SEMA3D: variants seen among roughly 807,000 people sequenced by gnomAD.
The protein encoded by SEMA3D is semaphorin-3D.
In SEMA3D, 84 loss-of-function variants were observed where a neutral mutation model predicts 100.1. That is an observed-to-expected ratio of 0.84 (90% confidence interval 0.70 to 1.01). The LOEUF (loss-of-function observed/expected upper bound fraction) is 1.01, where lower values mean the gene tolerates loss of function less well. Ranked by LOEUF, SEMA3D falls within the 50% of genes least tolerant of loss-of-function variation. The pLI, the probability that SEMA3D is intolerant of heterozygous loss-of-function variation, is 0.00. For missense variants in SEMA3D, 875 were observed against 934.1 expected, an observed-to-expected ratio of 0.94 and a Z score of 0.82; for synonymous variants, 312 against 320.7, an observed-to-expected ratio of 0.97 and a Z score of 0.29.
At chr7:85,080,062 C>T (rs928187845) in intron 5 of SEMA3D, among the ~76,000 whole-genome samples, 3 of 152,164 alleles carry the variant, frequency 2.0e-5, no homozygotes, top group Non-Finnish European at 2.9e-5. Flanking sequence ...TTAACACTCC[C>T]TGATATATTT....
At chr7:85,216,625 G>A in the SEMA3D span, among the ~76,000 whole-genome samples, 1 of 151,878 alleles carries the variant, frequency 6.6e-6, no homozygotes, top group African/African-American at 2.4e-5. Flanking sequence ...TGGTGCTAAT[G>A]TGCTGGTAGT....
At chr7:85,194,050 T>A in the SEMA3D span, among the ~76,000 whole-genome samples, 3 of 152,140 alleles carry the variant, frequency 2.0e-5, no homozygotes, top group African/African-American at 7.2e-5. Flanking sequence ...GTAGATAAGC[T>A]TTATACCATG....
At chr7:85,246,752 A>G in the SEMA3D span, among the ~76,000 whole-genome samples, 62,808 of 151,498 alleles carry the variant, frequency 0.41, 14,394 homozygotes, top group Non-Finnish European at 0.52. Flanking sequence ...CTGGAATTCC[A>G]CTCTTTGGTA....
Position 85,036,963 on chromosome 7 carries a change from A to G in SEMA3D, c.1117T>C (p.Tyr373His). 6.2e-7 allele frequency: 1 copy of G among 1,613,472 alleles called. No homozygotes were observed. The highest frequency in any genetic ancestry group is 8.5e-7 in the Non-Finnish European group (1 of 1,179,572). The change falls in exon 12 of 19, where the codon TAT (tyrosine) becomes CAT (histidine). Residue 373 changes from tyrosine (Y) to histidine (H), a missense_variant. Physicochemically the swap from Tyr to His is moderately conservative, Grantham distance 83. Transcript: ENST00000284136. ...TGGTCTGCACTTTCCTTATGAGCAT[A>G]TGGACCATTAAAAACTGCTCTGATG... ...ADIRAVFNGP[Y>H]AHKESADHRW...
chr7:85,141,546 G>A (rs1381828157), intron 2 of SEMA3D: 1 of 984,578 alleles, frequency 1.0e-6, no homozygotes, highest in Non-Finnish European at 1.2e-6. Flanking sequence ...GTCTTTCTAA[G>A]GATAGTCTTA....
rs763373435 is a variant in SEMA3D, at chr7:84,997,606, A to T, written c.*1834T>A. The T allele has an allele frequency of 6.6e-5, 10 of 152,338 alleles. No individual in the cohort carries two copies. The highest frequency in any genetic ancestry group is 1.0e-4 in the Non-Finnish European group (7 of 67,974). The allele number at this position is 152,338 out of a possible 1,614,324, so 9.4% of individuals were successfully genotyped here. A position where few individuals can be genotyped will look rare whatever the true frequency, so the allele number is the denominator to read the frequency against. ...TATATCAGTTTGACTACTTTGAGATAGGTAAGCAATGCAAATAAAATAAAA... is the reference window on the plus strand; with the variant it reads ...TATATCAGTTTGACTACTTTGAGATTGGTAAGCAATGCAAATAAAATAAAA... On this transcript the variant is annotated 3_prime_UTR_variant, in exon 19 of 19. Transcript: ENST00000284136.
the SEMA3D span, among the ~76,000 whole-genome samples, chr7:85,226,848 G>A: frequency 3.3e-5 from 5 of 152,086 alleles, no homozygotes; most frequent in Admixed American, 6.6e-5. Flanking sequence ...TGCATGCCAC[G>A]TACTTCTTTA....
At chr7:85,155,108 C>T (rs1790548632) in intron 1 of SEMA3D, among the ~76,000 whole-genome samples, 1 of 149,196 alleles carries the variant, frequency 6.7e-6, no homozygotes, top group Admixed American at 6.6e-5. Flanking sequence ...ATACAGAAAG[C>T]ATCTGTACAC....
chr7:85,006,590 G>A lies in SEMA3D; in HGVS notation c.1908+212C>T, dbSNP rs541020978. On this transcript the variant is annotated intron_variant, in intron 18 of 18. Transcript: ENST00000284136. ...AATGTAAATTTCTTTAAAAAAATCA[G>A]TCTGCTTTCAAATATATTTTACGAA... Among the ~76,000 whole-genome samples the A allele has an allele frequency of 2.6e-5, 4 of 151,962 alleles. No homozygotes were observed. The South Asian group carries it at 8.3e-4, about 32-fold the overall frequency.
At chr7:85,181,024 G>T (rs1038662464) in intron 1 of SEMA3D, among the ~76,000 whole-genome samples, 1 of 152,038 alleles carries the variant, frequency 6.6e-6, no homozygotes, top group Non-Finnish European at 1.5e-5. Context: ...ATATGAGTTT[G>T]GGAAGAAAGA....
chr7:85,003,456 A>G (rs1447320538), intron 18 of SEMA3D, among the ~76,000 whole-genome samples: 2 of 152,086 alleles, frequency 1.3e-5, no homozygotes, highest in Non-Finnish European at 2.9e-5. Flanking sequence ...CTAGAAAAAT[A>G]TATAATTGCT....
At chr7:85,249,672 G>C in the SEMA3D span, among the ~76,000 whole-genome samples, 1 of 152,048 alleles carries the variant, frequency 6.6e-6, no homozygotes, top group Non-Finnish European at 1.5e-5. Flanking sequence ...TAGTGAACAC[G>C]TGTTATATGT....
chr7:85,088,667 A>C (rs1185871287), intron 4 of SEMA3D, among the ~76,000 whole-genome samples: 1 of 152,190 alleles, frequency 6.6e-6, no homozygotes, highest in Non-Finnish European at 1.5e-5. Flanking sequence ...AAGCTTGCGC[A>C]GTGGGTATTG....
the SEMA3D span, among the ~76,000 whole-genome samples, chr7:85,209,712 C>A: frequency 6.6e-6 from 1 of 152,038 alleles, no homozygotes; most frequent in Non-Finnish European, 1.5e-5. Flanking sequence ...AAAACTCAAG[C>A]TGTCCAGTGC....
At chr7:85,120,302 A>C (rs1789371662) in intron 3 of SEMA3D, among the ~76,000 whole-genome samples, 1 of 152,140 alleles carries the variant, frequency 6.6e-6, no homozygotes, top group South Asian at 2.1e-4. Flanking sequence ...AACTAAGATA[A>C]TTTTAGGGGA....
At chr7:85,050,089 A>T (rs1791120492) in intron 9 of SEMA3D, among the ~76,000 whole-genome samples, 1 of 148,712 alleles carries the variant, frequency 6.7e-6, no homozygotes, top group Non-Finnish European at 1.5e-5. Context: ...ACACACACAC[A>T]CACACACACA....
At chr7:85,143,146 T>C (rs1790104304) in intron 2 of SEMA3D, 1 of 982,176 alleles carries the variant, frequency 1.0e-6, no homozygotes, top group Admixed American at 6.2e-5. Flanking sequence ...CAATTAGGTA[T>C]GAAACTGATA....
chr7:85,011,938 C>T (rs952084844), intron 17 of SEMA3D, among the ~76,000 whole-genome samples: 3 of 151,340 alleles, frequency 2.0e-5, no homozygotes, highest in East Asian at 2.0e-4. Context: ...TCCACCTGTT[C>T]GTGTGTGTGT....
chr7:85,019,848 GATTTAT>G (rs952576636), intron 14 of SEMA3D, among the ~76,000 whole-genome samples: 37 of 151,630 alleles, frequency 2.4e-4, no homozygotes, highest in Admixed American at 2.0e-3. Context: ...AGGGACACAT[GATTTAT>G]ACACTGGTCT....
Sources: allele counts gnomAD v4.1 joint callset (sites outside exome capture counted in the v4.1 genomes callset), GRCh38; gene constraint gnomAD v4.1.1; transcripts MANE v1.5; gene names NCBI Gene and HGNC (gene_info 2026-07-23, HGNC 2026-07-21).